The following ENPP3 variants were observed in gnomAD, a reference collection of about 807,000 sequenced individuals.
The protein encoded by ENPP3 is ectonucleotide pyrophosphatase/phosphodiesterase family member 3.
ENPP3 carries 104 observed loss-of-function variants against 117.8 expected under a neutral mutation model. The observed-to-expected ratio is 0.88, with a 90% CI of 0.75 to 1.04. ENPP3 has a LOEUF of 1.04. Ranked by LOEUF, ENPP3 falls within the 50% of genes least tolerant of loss-of-function variation. The pLI, the probability that ENPP3 is intolerant of heterozygous loss-of-function variation, is 0.00. For synonymous variants in ENPP3, 380 were observed against 349.9 expected, an observed-to-expected ratio of 1.09 and a Z score of -0.96; for missense variants, 1,026 against 1,051.9, an observed-to-expected ratio of 0.98 and a Z score of 0.34.
intron 6 of ENPP3, among the ~76,000 whole-genome samples, chr6:131,666,826 C>T (rs574588044): frequency 6.6e-6 from 1 of 152,334 alleles, no homozygotes; most frequent in South Asian, 2.1e-4. Context: ...AAAACAGTCA[C>T]CTTTCTCAGT....
chr6:131,688,543 T>C (rs1779206064), intron 14 of ENPP3, among the ~76,000 whole-genome samples: 2 of 152,122 alleles, frequency 1.3e-5, no homozygotes, highest in Admixed American at 6.5e-5. Flanking sequence ...AGTGAATACA[T>C]ACATAATAAG....
chr6:131,678,272 T>G (rs1269702056), intron 11 of ENPP3, among the ~76,000 whole-genome samples: 1 of 152,220 alleles, frequency 6.6e-6, no homozygotes, highest in Non-Finnish European at 1.5e-5. Context: ...CATACTAATG[T>G]GGTGCATTTC....
intron 1 of ENPP3, among the ~76,000 whole-genome samples, chr6:131,640,354 A>AT (rs1322124171): frequency 1.3e-5 from 2 of 152,048 alleles, no homozygotes; most frequent in South Asian, 2.1e-4. Flanking sequence ...GCTTATGTTC[A>AT]TTTTTTCCTC....
At chr6:131,642,569 C>G (rs959957945) in intron 2 of ENPP3, among the ~76,000 whole-genome samples, 4 of 152,014 alleles carry the variant, frequency 2.6e-5, no homozygotes, top group Non-Finnish European at 2.9e-5. Flanking sequence ...CATGTCCCCC[C>G]GCTTTTTGTT....
chr6:131,728,723 T>G (rs1780209426), intron 20 of ENPP3, among the ~76,000 whole-genome samples: 1 of 152,210 alleles, frequency 6.6e-6, no homozygotes, highest in Non-Finnish European at 1.5e-5. Flanking sequence ...TTAAGATTTA[T>G]AGAGCTTTTG....
chr6:131,678,861 A>G (rs938589840), intron 11 of ENPP3, among the ~76,000 whole-genome samples: 2 of 152,010 alleles, frequency 1.3e-5, no homozygotes, highest in African/African-American at 4.8e-5. Context: ...AGCGTGAACT[A>G]TCTAAAATAT....
chr6:131,664,392 T>C (rs1041500741), intron 6 of ENPP3, among the ~76,000 whole-genome samples: 1 of 152,226 alleles, frequency 6.6e-6, no homozygotes, highest in African/African-American at 2.4e-5. Flanking sequence ...AATGTGTTTG[T>C]GTTTTAAACT....
chr6:131,746,838 C>T lies in ENPP3; in HGVS notation c.2510C>T (p.Ala837Val). The T allele has an allele frequency of 1.2e-6, 2 of 1,613,000 alleles. No homozygotes were observed. The highest frequency in any genetic ancestry group is 1.3e-5 in the African/African-American group (1 of 74,972). ...WVEERFTAHI[A>V]RVRDVELLTG... ...GAAGAAAGATTTACAGCTCACATTG[C>T]CCGGGTCCGTGATGTAGAACTTCTC... Residue 837 changes from alanine (A) to valine (V), a missense_variant, in exon 25 of 25, where the codon GCC (alanine) becomes GTC (valine). By Grantham distance (64) the Ala-to-Val change is moderately conservative. Transcript: ENST00000357639.
At chr6:131,742,609 C>G (rs1194491778) in intron 24 of ENPP3, among the ~76,000 whole-genome samples, 1 of 152,122 alleles carries the variant, frequency 6.6e-6, no homozygotes, top group Non-Finnish European at 1.5e-5. Context: ...ACAACAACAA[C>G]AACAACAACA....
chr6:131,694,126 A>T (rs1319386330), intron 15 of ENPP3, among the ~76,000 whole-genome samples: 4 of 152,192 alleles, frequency 2.6e-5, no homozygotes, highest in African/African-American at 7.2e-5. Flanking sequence ...GCAAAATTTA[A>T]ATGTGCTTAG....
At chr6:131,703,649 G>C (rs1038206068) in intron 15 of ENPP3, among the ~76,000 whole-genome samples, 3 of 144,750 alleles carry the variant, frequency 2.1e-5, no homozygotes, top group Non-Finnish European at 4.4e-5. Context: ...GATGACTGCT[G>C]TGTAAGAACC....
At chr6:131,720,577 T>C (rs557987126) in intron 17 of ENPP3, among the ~76,000 whole-genome samples, 198 bp downstream of exon 17, 18 of 152,308 alleles carry the variant, frequency 1.2e-4, no homozygotes, top group Middle Eastern at 3.4e-3. Context: ...TTACTAGTAA[T>C]GATAAACTTT....
intron 21 of ENPP3, among the ~76,000 whole-genome samples, chr6:131,735,111 G>C (rs913411978): frequency 5.3e-5 from 8 of 151,716 alleles, no homozygotes; most frequent in African/African-American, 1.9e-4. Flanking sequence ...TTGGAAGGTC[G>C]AGGCAGGAAG....
intron 15 of ENPP3, among the ~76,000 whole-genome samples, chr6:131,694,899 AG>A (rs1779370819): frequency 1.4e-5 from 2 of 146,528 alleles, no homozygotes; most frequent in South Asian, 4.2e-4. Context: ...AAAGAACACA[AG>A]GGACAAGGGA....
chr6:131,695,252 G>C (rs547370514), intron 15 of ENPP3, among the ~76,000 whole-genome samples: 14 of 152,272 alleles, frequency 9.2e-5, no homozygotes, highest in Middle Eastern at 3.4e-3. Context: ...GATATTTACT[G>C]TTAAAAGTCT....
chr6:131,679,654 G>C (rs1015723863), intron 11 of ENPP3, among the ~76,000 whole-genome samples: 2 of 152,022 alleles, frequency 1.3e-5, no homozygotes, highest in Admixed American at 6.6e-5. Flanking sequence ...CTAGAGTAGG[G>C]TGCAAATTTG....
chr6:131,738,583 C>T (rs1004627404), intron 23 of ENPP3, among the ~76,000 whole-genome samples: 1 of 151,564 alleles, frequency 6.6e-6, no homozygotes, highest in African/African-American at 2.4e-5. Context: ...GTAAATTTTA[C>T]AAGAATAGTG....
rs543524799 is a variant in ENPP3 at position 131,652,532 on chromosome 6, C to A, written c.278-10C>A. The A allele has an allele frequency of 1.7e-5, 27 of 1,613,588 alleles. No individual in the cohort carries two copies. The highest frequency in any genetic ancestry group is 2.3e-5 in the Non-Finnish European group (27 of 1,179,630). On this transcript the variant is annotated splice_polypyrimidine_tract_variant and intron_variant, in intron 3 of 24. Transcript: ENST00000357639. ...TTAAATGCTCAGAACTGAATTGTAT[C>A]GTTTTACAGCTCGAATATGGATGTG...
At position 131,678,921 on chromosome 6, in the gene ENPP3, CTTTCTTTCTTTCTT is replaced by C. The variant is rs1562446441; in HGVS notation, c.1011+983_1011+996del. Among the ~76,000 whole-genome samples the C allele has an allele frequency of 7.5e-3, 519 of 69,456 alleles. 16 individuals carry two copies. The highest frequency in any genetic ancestry group is 0.042 in the African/African-American group (458 of 10,994). 45.6% of individuals were successfully genotyped at this position (69,456 alleles called of 152,430 possible). Reference sequence around the variant, plus strand: ...TCTTTCTTTCTCTCTTTCTTTCTTTCTTTCTTTCTTTCTTTCTTTCTTTCTTTCTTTCTTTCTTT... The same window carrying C: ...TCTTTCTTTCTCTCTTTCTTTCTTTCTCTTTCTTTCTTTCTTTCTTTCTTT... On this transcript the variant is annotated intron_variant, in intron 11 of 24. Transcript: ENST00000357639.
Sources: allele counts gnomAD v4.1 joint callset (sites outside exome capture counted in the v4.1 genomes callset), GRCh38; gene constraint gnomAD v4.1.1; transcripts MANE v1.5; gene names NCBI Gene and HGNC (gene_info 2026-07-23, HGNC 2026-07-21).